The following ARHGAP27 variants were observed in gnomAD, a reference collection of about 807,000 sequenced individuals.
The protein encoded by ARHGAP27 is Rho GTPase activating protein 27, also known as rho GTPase-activating protein 27.
ARHGAP27 carries 53 observed loss-of-function variants against 102.0 expected under a neutral mutation model. That is an observed-to-expected ratio of 0.52 (90% CI 0.42 to 0.65). ARHGAP27 has a LOEUF of 0.65. ARHGAP27 is among the 30% of genes least tolerant of loss of function. ARHGAP27 has a pLI of 0.00. For missense variants in ARHGAP27, 1,117 were observed against 1,256.2 expected, an observed-to-expected ratio of 0.89 and a Z score of 1.68; for synonymous variants, 525 against 542.8, an observed-to-expected ratio of 0.97 and a Z score of 0.46.
In ARHGAP27 at chr17:45,396,941, T is replaced by A. The variant is rs1312551329; in HGVS notation, c.1926A>T (p.Lys642Asn). Residue 642 changes from lysine (K) to asparagine (N), a missense_variant, in exon 14 of 20, where the codon AAA (lysine) becomes AAT (asparagine). This residue lies in a region of ARHGAP27 where 493 missense variants were observed against 505.5 expected (regional missense o/e 0.98). Coordinates refer to ENST00000685559, the MANE Select transcript of ARHGAP27 (RefSeq NM_001282290.2). ...SSERLGSWQE[K>N]EEDARPNAAA... The stretch of plus-strand genomic sequence containing the variant: ...CTGCATTCGGTCGCGCGTCCTCCTC[T>A]TTCTCCTGCCAGCTTCCCAAGCGCT... The A allele has an allele frequency of 6.2e-7, 1 of 1,606,210 alleles. No individual in the cohort carries two copies. The highest frequency in any genetic ancestry group is 1.1e-5 in the South Asian group (1 of 91,090).
At chr17:45,421,858 A>C (rs1366965219) in intron 4 of ARHGAP27, among the ~76,000 whole-genome samples, 1 of 152,236 alleles carries the variant, frequency 6.6e-6, no homozygotes, top group Non-Finnish European at 1.5e-5. Context: ...ACAAAGAGTC[A>C]GCTTGGGTTT....
At chr17:45,402,627 C>T (rs2046578971) in intron 12 of ARHGAP27, 87 bp downstream of exon 12, 2 of 1,282,060 alleles carry the variant, frequency 1.6e-6, no homozygotes, top group Admixed American at 1.9e-5. Flanking sequence ...TCAAAAACCC[C>T]CAGGTCATTT....
In ARHGAP27 at chr17:45,423,286, A is replaced by G. The variant is rs2049224192; in HGVS notation, c.657+6337T>C. On this transcript the variant is annotated intron_variant, in intron 4 of 19. Coordinates refer to ENST00000685559, the MANE Select transcript of ARHGAP27 (RefSeq NM_001282290.2). ...AAAGAAATTCATAATAAATTTTAAAAGTGGAGAGTTTACACATCTGGAGAA... is the reference window on the plus strand; with the variant it reads ...AAAGAAATTCATAATAAATTTTAAAGGTGGAGAGTTTACACATCTGGAGAA... Among the ~76,000 whole-genome samples, 5 of 152,254 alleles carry G rather than the reference A, an allele frequency of 3.3e-5. No homozygotes were observed. In the South Asian group the frequency reaches 8.3e-4, roughly 25 times the overall value.
chr17:45,422,492 G>C (rs979650439), intron 4 of ARHGAP27, among the ~76,000 whole-genome samples: 2 of 152,020 alleles, frequency 1.3e-5, no homozygotes, highest in Non-Finnish European at 2.9e-5. Context: ...GGAAATAAAA[G>C]AATGCTAAGC....
At chr17:45,415,689 A>C (rs1338982454) in intron 4 of ARHGAP27, among the ~76,000 whole-genome samples, 1 of 152,210 alleles carries the variant, frequency 6.6e-6, no homozygotes, top group Non-Finnish European at 1.5e-5. Context: ...TAAGCCTTGC[A>C]GACCTGCCTA....
intron 4 of ARHGAP27, among the ~76,000 whole-genome samples, chr17:45,418,167 A>G (rs894627711): frequency 6.7e-6 from 1 of 149,288 alleles, no homozygotes; most frequent in Non-Finnish European, 1.5e-5. Flanking sequence ...CTGGTCTTGA[A>G]CTCCTGAGTT....
rs1567684052 is a variant in ARHGAP27 at position 45,395,447 on chromosome 17, G to A, written c.*9C>T. Reference sequence around the variant, plus strand: ...GACCGCGGCCGCCGCCCCAGTCACAGGCCAGCAGTCAGTGCGGCGGGAAGA... The same window carrying A: ...GACCGCGGCCGCCGCCCCAGTCACAAGCCAGCAGTCAGTGCGGCGGGAAGA... On this transcript the variant is annotated 3_prime_UTR_variant, in exon 20 of 20. Transcript: ENST00000685559. 5 of 1,558,208 alleles carry A rather than the reference G, an allele frequency of 3.2e-6. No individual in the cohort carries two copies. Among genetic ancestry groups the A allele is most frequent in the Non-Finnish European group, 4.3e-6 (5 of 1,150,882 alleles).
At position 45,396,783 on chromosome 17, in the gene ARHGAP27, G is replaced by A. The variant is rs766907855; in HGVS notation, c.1959C>T (p.Pro653=). ...EEDARPNAAA[P]ALGPVGLESD... The stretch of plus-strand genomic sequence containing the variant: ...TCTCCAGGCCCACGGGGCCCAGGGC[G>A]GGCGCGGCTGCCGCGGGGAAAGGCA... Residue 653 remains proline (P), a synonymous_variant, in exon 15 of 20, where the codon CCC becomes CCT. Transcript: ENST00000685559. 6.8e-6 allele frequency: 11 copies of A among 1,611,066 alleles called. No individual in the cohort carries two copies. The African/African-American group carries it at 1.1e-4, about 16-fold the overall frequency.
At chr17:45,426,599 C>T (rs1290915663) in intron 4 of ARHGAP27, among the ~76,000 whole-genome samples, 6 of 151,882 alleles carry the variant, frequency 4.0e-5, no homozygotes, top group Admixed American at 3.9e-4. Flanking sequence ...GCCATCCCCA[C>T]ATCCTGCCCC....
rs972775771 is a variant in ARHGAP27 at position 45,404,823 on chromosome 17, G to A, written c.1248+101C>T. 31 of 1,559,224 alleles carry A rather than the reference G, an allele frequency of 2.0e-5. No homozygotes were observed. In the African/African-American group the frequency reaches 3.7e-4, roughly 18 times the overall value. On this transcript the variant is annotated intron_variant, in intron 6 of 19. Coordinates refer to ENST00000685559, the MANE Select transcript of ARHGAP27 (RefSeq NM_001282290.2). ...ACTGTGTTTGGCTGGTTTAGGCTCT[G>A]TGTGGGAGCTGCGGTTTAGAGCACT...
chr17:45,399,307 A>G (rs1224749192), intron 12 of ARHGAP27, among the ~76,000 whole-genome samples: 1 of 152,188 alleles, frequency 6.6e-6, no homozygotes, highest in African/African-American at 2.4e-5. Context: ...TTAAAATGAA[A>G]TGAGGCTGGG....
At chr17:45,405,541 G>T in intron 5 of ARHGAP27, 135 bp downstream of exon 5, 1 of 1,242,962 alleles carries the variant, frequency 8.0e-7, no homozygotes, top group Non-Finnish European at 1.1e-6. Flanking sequence ...CAGGAGAAGG[G>T]GTCAAAGGCT....
intron 4 of ARHGAP27, among the ~76,000 whole-genome samples, chr17:45,420,146 G>A (rs1465613259): frequency 6.6e-6 from 1 of 152,106 alleles, no homozygotes; most frequent in Non-Finnish European, 1.5e-5. Context: ...TTATGACATT[G>A]TTGTAACAGC....
chr17:45,402,066 G>C (rs1056289582), intron 12 of ARHGAP27, among the ~76,000 whole-genome samples: 1 of 152,182 alleles, frequency 6.6e-6, no homozygotes, highest in African/African-American at 2.4e-5. Flanking sequence ...TACCCTTTCT[G>C]GGTCTTCTCT....
chr17:45,400,226 T>A (rs2046277741), intron 12 of ARHGAP27, among the ~76,000 whole-genome samples: 1 of 152,200 alleles, frequency 6.6e-6, no homozygotes, highest in African/African-American at 2.4e-5. Flanking sequence ...CTAGCAGCTT[T>A]TGGCGGACTG....
At chr17:45,397,213 T>C in intron 13 of ARHGAP27, 189 bp from the exon 14 acceptor site, 3 of 1,430,544 alleles carry the variant, frequency 2.1e-6, no homozygotes, top group Non-Finnish European at 2.7e-6. Flanking sequence ...TTCACCTCCC[T>C]TAGCTGCATG....
chr17:45,405,316 C>T (rs2047007016), intron 5 of ARHGAP27, among the ~76,000 whole-genome samples: 1 of 150,786 alleles, frequency 6.6e-6, no homozygotes, highest in Non-Finnish European at 1.5e-5. Context: ...TAGCCCCGCC[C>T]ACTCCAGCCC....
intron 4 of ARHGAP27, chr17:45,410,468 G>A: frequency 6.0e-6 from 8 of 1,333,098 alleles, no homozygotes; most frequent in Non-Finnish European, 4.8e-6. Context: ...GAGTTGGGGC[G>A]GGTGGGGTGG....
intron 12 of ARHGAP27, among the ~76,000 whole-genome samples, chr17:45,401,266 G>A (rs1388318664): frequency 6.6e-6 from 1 of 152,038 alleles, no homozygotes; most frequent in Non-Finnish European, 1.5e-5. Flanking sequence ...TTGAGCCCAG[G>A]GGCTTGTGGT....
Sources: gnomAD v4.1 joint callset for allele counts (sites outside exome capture counted in the v4.1 genomes callset) on GRCh38, gnomAD v4.1.1 for gene constraint, gnomAD v4.1.1 regional missense constraint, MANE v1.5 for transcripts, NCBI Gene and HGNC (gene_info 2026-07-23, HGNC 2026-07-21) for gene names.